Variants in GLIPR1L2 observed in about 807,000 individuals in gnomAD.
GLIPR1L2 encodes the protein GLIPR1-like protein 2.
A neutral mutation model predicts 28.4 loss-of-function variants in GLIPR1L2; 21 were observed. The ratio of observed to expected loss-of-function variants is 0.74; its 90% CI spans 0.52 to 1.06. The LOEUF (loss-of-function observed/expected upper bound fraction) is 1.06, where lower values mean the gene tolerates loss of function less well. Ranked by LOEUF, GLIPR1L2 falls within the 50% of genes least tolerant of loss-of-function variation. GLIPR1L2 has a pLI of 0.00. For missense variants in GLIPR1L2, 476 were observed against 416.9 expected, an observed-to-expected ratio of 1.14 and a Z score of -1.23; for synonymous variants, 145 against 139.3, an observed-to-expected ratio of 1.04 and a Z score of -0.29.
chr12:75,396,785 C>G (rs980735643), intron 1 of GLIPR1L2, among the ~76,000 whole-genome samples: 1 of 152,162 alleles, frequency 6.6e-6, no homozygotes, highest in East Asian at 1.9e-4. Context: ...TTAAAGTCCT[C>G]CAGATGATTC....
chr12:75,424,635 A>C (rs1205304204), intron 4 of GLIPR1L2, among the ~76,000 whole-genome samples: 1 of 151,658 alleles, frequency 6.6e-6, no homozygotes, highest in Admixed American at 6.6e-5. Context: ...TTTTTTGCAG[A>C]GACAGGATCT....
chr12:75,424,564 G>A (rs1299843717), intron 4 of GLIPR1L2, among the ~76,000 whole-genome samples: 1 of 151,976 alleles, frequency 6.6e-6, no homozygotes, highest in African/African-American at 2.4e-5. Context: ...TCCTGCCTCA[G>A]CCTCCCAAGT....
At chr12:75,420,883 G>C (rs1259077877) in intron 3 of GLIPR1L2, among the ~76,000 whole-genome samples, 4 of 152,160 alleles carry the variant, frequency 2.6e-5, no homozygotes, top group Non-Finnish European at 4.4e-5. Flanking sequence ...ACTCATTGTA[G>C]TCTACCACAG....
At chr12:75,414,271 T>C (rs921305315) in intron 3 of GLIPR1L2, among the ~76,000 whole-genome samples, 4 of 152,042 alleles carry the variant, frequency 2.6e-5, no homozygotes, top group Non-Finnish European at 5.9e-5. Flanking sequence ...CATCTCAAAA[T>C]AGCTTCCATT....
chr12:75,429,913 CCTTTTCTTTT>C (rs201000308), intron 4 of GLIPR1L2, among the ~76,000 whole-genome samples: 28 of 119,270 alleles, frequency 2.3e-4, no homozygotes, highest in African/African-American at 7.2e-4. Flanking sequence ...GTCAATTAAA[CCTTTTCTTTT>C]CTTTTCTTTT....
chr12:75,407,532 A>C (rs2045816913), intron 1 of GLIPR1L2, among the ~76,000 whole-genome samples: 1 of 152,136 alleles, frequency 6.6e-6, no homozygotes, highest in Non-Finnish European at 1.5e-5. Flanking sequence ...GGAGAGACAT[A>C]AGTTTTTAGA....
At chr12:75,391,409 G>A (rs1404164292) in intron 1 of GLIPR1L2, 59 bp downstream of exon 1, 1 of 1,602,390 alleles carries the variant, frequency 6.2e-7, no homozygotes, top group Non-Finnish European at 8.5e-7. Flanking sequence ...CGCCTCCCTG[G>A]ATCTCGGGTA....
chr12:75,408,904 T>C (rs1489320887), intron 1 of GLIPR1L2, among the ~76,000 whole-genome samples: 1 of 152,042 alleles, frequency 6.6e-6, no homozygotes, highest in Non-Finnish European at 1.5e-5. Context: ...ATTTTTTTAA[T>C]AGTGGTTACC....
intron 4 of GLIPR1L2, among the ~76,000 whole-genome samples, chr12:75,425,744 A>G (rs545851254): frequency 6.6e-6 from 1 of 152,282 alleles, no homozygotes; most frequent in East Asian, 1.9e-4. Context: ...TATGCGTGCT[A>G]GGGGCTAGAG....
intron 1 of GLIPR1L2, among the ~76,000 whole-genome samples, chr12:75,407,107 C>A (rs1373407480): frequency 6.6e-6 from 1 of 152,018 alleles, no homozygotes; most frequent in African/African-American, 2.4e-5. Context: ...AGCAAGAACC[C>A]CCTCAAACTT....
intron 1 of GLIPR1L2, among the ~76,000 whole-genome samples, chr12:75,395,531 A>G (rs1336666928): frequency 3.3e-5 from 5 of 151,914 alleles, no homozygotes; most frequent in Non-Finnish European, 7.4e-5. Context: ...TCTTCTTTAA[A>G]TATATGTCTT....
At chr12:75,423,335 A>G in intron 4 of GLIPR1L2, 1 of 1,079,900 alleles carries the variant, frequency 9.3e-7, no homozygotes, top group Non-Finnish European at 1.1e-6. Context: ...ATTCCAAAAT[A>G]TTTATGAAGT....
Position 75,431,103 on chromosome 12 carries a change from AG to A in GLIPR1L2, c.978del (p.Arg327GlufsTer36), listed in dbSNP as rs753913763. On this transcript the variant is annotated frameshift_variant, in exon 6 of 6. Transcript: ENST00000550916. LOFTEE classifies it low-confidence loss of function (END_TRUNC). ...ATGGAAATGGAGGAGGAAAAAGAAG[AG>A]AGAGAGGAGGAGGAGGAGGAAACAC... ...EIMEMEEEKEEREEEEEETQK... is the reference protein window; with the variant it reads ...EIMEMEEEKEXREEEEEETQK... 5 of 1,125,638 alleles carry A rather than the reference AG, an allele frequency of 4.4e-6. No individual in the cohort carries two copies. Among genetic ancestry groups the A allele is most frequent in the South Asian group, 1.3e-5 (1 of 75,426 alleles). The allele number at this position is 1,125,638 out of a possible 1,614,324, so 69.7% of individuals were successfully genotyped here. A position where few individuals can be genotyped will look rare whatever the true frequency, so the allele number is the denominator to read the frequency against.
intron 3 of GLIPR1L2, among the ~76,000 whole-genome samples, chr12:75,420,468 A>T (rs1349961496): frequency 2.0e-5 from 3 of 152,168 alleles, no homozygotes; most frequent in Non-Finnish European, 4.4e-5. Flanking sequence ...CTTATCTAGG[A>T]TCTGGACACA....
intron 4 of GLIPR1L2, among the ~76,000 whole-genome samples, chr12:75,424,354 T>C (rs1162126738): frequency 6.6e-6 from 1 of 152,246 alleles, no homozygotes; most frequent in Non-Finnish European, 1.5e-5. Flanking sequence ...GTTGGATGCA[T>C]AAATGTCTTC....
intron 1 of GLIPR1L2, among the ~76,000 whole-genome samples, chr12:75,409,352 G>A (rs1344702658): frequency 1.3e-5 from 2 of 151,794 alleles, no homozygotes; most frequent in African/African-American, 4.8e-5. Context: ...TTTCTAGTGT[G>A]TGGTTTTTGT....
In GLIPR1L2 at chr12:75,392,033, C is replaced by A. The variant is rs558475923; in HGVS notation, c.234+683C>A. ...AGTCATTTAACAACTCAACTATTCC[C>A]TGGTTGCTATTGAGTTTTCCTGACT... On this transcript the variant is annotated intron_variant, in intron 1 of 5. Coordinates refer to ENST00000550916, the MANE Select transcript of GLIPR1L2 (RefSeq NM_001270396.2). Among the ~76,000 whole-genome samples the A allele has an allele frequency of 6.1e-4, 93 of 152,220 alleles. 1 individual carries two copies. The highest frequency in any genetic ancestry group is 2.2e-3 in the African/African-American group (90 of 41,530).
chr12:75,398,290 C>T (rs982023577), intron 1 of GLIPR1L2, among the ~76,000 whole-genome samples: 30 of 137,232 alleles, frequency 2.2e-4, no homozygotes, highest in East Asian at 2.1e-4. Flanking sequence ...GATCGCACCA[C>T]TGTACTCCAG....
Position 75,432,053 on chromosome 12 carries a change from T to G in GLIPR1L2, c.*892T>G, listed in dbSNP as rs971129988. 6.6e-6 allele frequency: 1 copy of G among 152,108 alleles called. No individual in the cohort carries two copies. The highest frequency in any genetic ancestry group is 1.5e-5 in the Non-Finnish European group (1 of 67,976). The allele number at this position is 152,108 out of a possible 1,614,324, so 9.4% of individuals were successfully genotyped here. A position where few individuals can be genotyped will look rare whatever the true frequency, so the allele number is the denominator to read the frequency against. ...TGACCACTAAGACCTCTTCCATCAA[T>G]GAATATTCATGGATCAACTTTGTAA... On this transcript the variant is annotated 3_prime_UTR_variant, in exon 6 of 6. Coordinates refer to ENST00000550916, the MANE Select transcript of GLIPR1L2 (RefSeq NM_001270396.2).
Sources: allele counts gnomAD v4.1 joint callset (sites outside exome capture counted in the v4.1 genomes callset), GRCh38; gene constraint gnomAD v4.1.1; transcripts MANE v1.5; gene names NCBI Gene and HGNC (gene_info 2026-07-23, HGNC 2026-07-21).